The following STX18 variants were observed in gnomAD, a reference collection of about 807,000 sequenced individuals.
STX18 encodes syntaxin 18.
In STX18, 40 loss-of-function variants were observed where a neutral mutation model predicts 50.1. The ratio of observed to expected loss-of-function variants is 0.80; its 90% CI spans 0.62 to 1.04. The LOEUF is 1.04. Among genes scored for constraint, STX18 ranks in the 50% least tolerant of loss-of-function variants. STX18 has a pLI of 0.00. For synonymous variants in STX18, 158 were observed against 151.8 expected (o/e 1.04, Z -0.30); for missense variants, 410 against 415.8 (o/e 0.99, Z 0.12).
At chr4:4,501,013 G>T (rs980794976) in intron 1 of STX18, among the ~76,000 whole-genome samples, 2 of 151,846 alleles carry the variant, frequency 1.3e-5, no homozygotes, top group Non-Finnish European at 2.9e-5. Context: ...CTCCAGCTGG[G>T]GCCAACAACA....
chr4:4,471,223 C>T (rs537318543), intron 2 of STX18, among the ~76,000 whole-genome samples: 37 of 152,330 alleles, frequency 2.4e-4, no homozygotes, highest in African/African-American at 8.4e-4. Context: ...CTCATGAGAA[C>T]GTCACCAAAC....
intron 2 of STX18, among the ~76,000 whole-genome samples, chr4:4,466,821 G>C (rs1428928744): frequency 6.6e-6 from 1 of 152,212 alleles, no homozygotes; most frequent in Non-Finnish European, 1.5e-5. Context: ...AATATACATA[G>C]AGCTGTCTAA....
intron 1 of STX18, among the ~76,000 whole-genome samples, chr4:4,527,071 C>T (rs1164501690): frequency 6.6e-6 from 1 of 152,074 alleles, no homozygotes; most frequent in Non-Finnish European, 1.5e-5. Flanking sequence ...GCCTCTGTGT[C>T]TGGAGCCAAT....
chr4:4,515,404 C>G (rs1271635409), intron 1 of STX18, among the ~76,000 whole-genome samples: 1 of 152,188 alleles, frequency 6.6e-6, no homozygotes, highest in East Asian at 1.9e-4. Context: ...TTAAGAAAAA[C>G]TTGAATAGCC....
At chr4:4,455,793 G>T (rs1030945662) in intron 5 of STX18, among the ~76,000 whole-genome samples, 1 of 152,162 alleles carries the variant, frequency 6.6e-6, no homozygotes, top group African/African-American at 2.4e-5. Flanking sequence ...ACTCCACTGG[G>T]AGAGTACTCT....
Position 4,483,961 on chromosome 4 carries a change from A to G in STX18, c.169-12255T>C, listed in dbSNP as rs375837199. Among the ~76,000 whole-genome samples the G allele has an allele frequency of 2.2e-4, 33 of 152,164 alleles. 1 individual carries two copies. Among genetic ancestry groups the G allele is most frequent in the Admixed American group, 7.2e-4 (11 of 15,282 alleles). On this transcript the variant is annotated intron_variant, in intron 1 of 10. Coordinates refer to ENST00000306200, the MANE Select transcript of STX18 (RefSeq NM_016930.4). ...ACTGCAACCTCCACCTCCCAGGTTCAAGTGATTCTCCTGCCTCAGCCTCCC... is the reference window on the plus strand; with the variant it reads ...ACTGCAACCTCCACCTCCCAGGTTCGAGTGATTCTCCTGCCTCAGCCTCCC...
intron 5 of STX18, among the ~76,000 whole-genome samples, chr4:4,447,548 G>T (rs975871473): frequency 1.6e-5 from 2 of 126,020 alleles, no homozygotes; most frequent in South Asian, 5.7e-4. Context: ...CCGAGATCGC[G>T]CCACTGCACT....
At chr4:4,470,211 AC>A (rs1304294070) in intron 2 of STX18, among the ~76,000 whole-genome samples, 1 of 152,038 alleles carries the variant, frequency 6.6e-6, no homozygotes, top group African/African-American at 2.4e-5. Flanking sequence ...CAATGTCAGC[AC>A]CTCCTCAGTT....
chr4:4,471,084 G>T (rs1727888916), intron 2 of STX18, among the ~76,000 whole-genome samples: 1 of 152,216 alleles, frequency 6.6e-6, no homozygotes, highest in South Asian at 2.1e-4. Flanking sequence ...AAGTGGGTGT[G>T]TAGCTGCCTC....
rs1403302150 is a variant in STX18, at chr4:4,420,974, G to C, written c.832-30C>G. On this transcript the variant is annotated intron_variant, in intron 9 of 10. Transcript: ENST00000306200. The surrounding 1 kb of genome is among the most constrained non-coding windows in gnomAD (Gnocchi z 4.3). ...GGAAGAAAAGATAAATACAAGTTGAGTATCCTTTATCCAAAAACCTGAAAC... is the reference window on the plus strand; with the variant it reads ...GGAAGAAAAGATAAATACAAGTTGACTATCCTTTATCCAAAAACCTGAAAC... 1 of 1,608,104 alleles carries C rather than the reference G, an allele frequency of 6.2e-7. No homozygotes were observed. The highest frequency in any genetic ancestry group is 1.1e-5 in the South Asian group (1 of 90,926).
At chr4:4,496,966 C>T (rs1272118337) in intron 1 of STX18, among the ~76,000 whole-genome samples, 2 of 152,216 alleles carry the variant, frequency 1.3e-5, no homozygotes, top group African/African-American at 4.8e-5. Flanking sequence ...CTAAAGAAGA[C>T]TTAAGTAGAG....
At chr4:4,426,420 CT>C (rs1426831613) in intron 7 of STX18, 1 of 152,222 alleles carries the variant, frequency 6.6e-6, no homozygotes, top group Non-Finnish European at 1.5e-5. Context: ...GAAGATCTGG[CT>C]TATCACTTGC....
At chr4:4,425,542 C>T (rs963494588) in intron 7 of STX18, 7 of 482,458 alleles carry the variant, frequency 1.5e-5, no homozygotes, top group African/African-American at 5.8e-5. Context: ...CGGCCTGCTT[C>T]CTGACTCTAG....
intron 1 of STX18, among the ~76,000 whole-genome samples, chr4:4,524,616 C>T (rs111824406): frequency 1.8e-4 from 28 of 152,342 alleles, no homozygotes; most frequent in African/African-American, 6.0e-4. Flanking sequence ...GCGTTAGAGG[C>T]GCCTTAAAGG....
intron 1 of STX18, among the ~76,000 whole-genome samples, chr4:4,480,718 A>C (rs1345253221): frequency 6.6e-6 from 1 of 152,184 alleles, no homozygotes; most frequent in Non-Finnish European, 1.5e-5. Flanking sequence ...ATAAACTCCA[A>C]ACATACTAAG....
At chr4:4,423,146 T>A (rs1725054932) in intron 9 of STX18, among the ~76,000 whole-genome samples, 1 of 152,230 alleles carries the variant, frequency 6.6e-6, no homozygotes, top group Non-Finnish European at 1.5e-5. Flanking sequence ...AAACAGAGAA[T>A]AACCCTGCAG....
intron 1 of STX18, among the ~76,000 whole-genome samples, chr4:4,491,334 G>C (rs1308898689): frequency 2.6e-5 from 4 of 151,814 alleles, no homozygotes; most frequent in Admixed American, 6.6e-5. Flanking sequence ...AAAAACATGA[G>C]GATATTTTAC....
intron 1 of STX18, among the ~76,000 whole-genome samples, chr4:4,500,222 C>G (rs746489032): frequency 2.0e-5 from 3 of 152,134 alleles, no homozygotes; most frequent in Non-Finnish European, 2.9e-5. Flanking sequence ...GAAAGAAACT[C>G]TTTTATCACT....
At chr4:4,539,018 A>G (rs1731464026) in intron 1 of STX18, among the ~76,000 whole-genome samples, 1 of 152,180 alleles carries the variant, frequency 6.6e-6, no homozygotes, top group East Asian at 1.9e-4. Context: ...TAAATGTTTA[A>G]AAGAATGATG....
Sources: allele counts gnomAD v4.1 joint callset (sites outside exome capture counted in the v4.1 genomes callset), GRCh38; gene constraint gnomAD v4.1.1; non-coding constraint Gnocchi (gnomAD v3.1); transcripts MANE v1.5; gene names NCBI Gene and HGNC (gene_info 2026-07-23, HGNC 2026-07-21).